The following PSAP variants were observed in gnomAD, a reference collection of about 807,000 sequenced individuals.
PSAP encodes prosaposin.
A neutral mutation model predicts 66.0 loss-of-function variants in PSAP; 25 were observed. That is an observed-to-expected ratio of 0.38 (90% CI 0.28 to 0.53). The LOEUF is 0.53. PSAP is among the 20% of genes least tolerant of loss of function. The pLI, the probability that PSAP is intolerant of heterozygous loss-of-function variation, is 0.83. For synonymous variants in PSAP, 273 were observed against 258.9 expected, an observed-to-expected ratio of 1.05 and a Z score of -0.52; for missense variants, 649 against 668.8, an observed-to-expected ratio of 0.97 and a Z score of 0.33.
intron 1 of PSAP, among the ~76,000 whole-genome samples, chr10:71,836,489 C>T (rs1842631262): frequency 6.6e-6 from 1 of 152,084 alleles, no homozygotes; most frequent in Non-Finnish European, 1.5e-5. Context: ...CCCTAGGACT[C>T]TGAAAAGGAC....
At chr10:71,843,827 C>G (rs1227792876) in intron 1 of PSAP, among the ~76,000 whole-genome samples, 4 of 152,130 alleles carry the variant, frequency 2.6e-5, no homozygotes, top group Non-Finnish European at 5.9e-5. Context: ...ATAAAGTTTG[C>G]AATCTAGATA....
intron 1 of PSAP, among the ~76,000 whole-genome samples, chr10:71,843,020 T>A (rs1308796056): frequency 6.6e-6 from 1 of 152,128 alleles, no homozygotes; most frequent in Non-Finnish European, 1.5e-5. Flanking sequence ...CTGCCGCACA[T>A]GCTGCAGACA....
In PSAP at chr10:71,826,561, T is replaced by C. The variant is rs188050051; in HGVS notation, c.721-668A>G. ...CAAAATGAATGAATGTTCACCTGATTAACATTCCTAACGGAAAGTCAGAGA... is the reference window on the plus strand; with the variant it reads ...CAAAATGAATGAATGTTCACCTGATCAACATTCCTAACGGAAAGTCAGAGA... On this transcript the variant is annotated intron_variant, in intron 6 of 13. Coordinates refer to ENST00000394936, the MANE Select transcript of PSAP (RefSeq NM_002778.4). 2.8e-3 allele frequency among the ~76,000 whole-genome samples: 433 copies of C among 152,278 alleles called. 1 individual carries two copies. The highest frequency in any genetic ancestry group is 9.9e-3 in the African/African-American group (411 of 41,552).
At chr10:71,835,954 G>A (rs1465788059) in intron 1 of PSAP, among the ~76,000 whole-genome samples, 2 of 152,018 alleles carry the variant, frequency 1.3e-5, no homozygotes, top group Non-Finnish European at 2.9e-5. Flanking sequence ...AACACGTGTT[G>A]TATAGGTCAG....
chr10:71,827,990 A>T, intron 6 of PSAP, 24 bp downstream of exon 6: 1 of 1,613,994 alleles, frequency 6.2e-7, no homozygotes, highest in Non-Finnish European at 8.5e-7. Flanking sequence ...GAACATCCCC[A>T]ATGCACAAGG....
chr10:71,842,111 G>A (rs1325793066), intron 1 of PSAP, among the ~76,000 whole-genome samples: 2 of 152,030 alleles, frequency 1.3e-5, no homozygotes, highest in African/African-American at 4.8e-5. Context: ...GGTCCAAAAC[G>A]CCGAGCATCC....
At position 71,828,944 on chromosome 10, in the gene PSAP, G is replaced by A; in HGVS notation, c.509C>T (p.Pro170Leu). The change falls in exon 5 of 14, where the codon CCC (proline) becomes CTC (leucine). Residue 170 changes from proline (P) to leucine (L), a missense_variant. Pro to Leu is a moderately conservative substitution (Grantham distance 98). Transcript: ENST00000394936. Reference protein sequence around the residue: ...PELDMTEVVAPFMANIPLLLY... With the variant: ...PELDMTEVVALFMANIPLLLY... ...GAGGAGAGGGATGTTGGCCATGAAG[G>A]GGGCCACCACCTCAGTCATGTCCAG... The A allele has an allele frequency of 1.2e-6, 2 of 1,614,126 alleles. No homozygotes were observed. The highest frequency in any genetic ancestry group is 1.7e-6 in the Non-Finnish European group (2 of 1,180,030).
At chr10:71,848,060 G>A (rs1043403435) in intron 1 of PSAP, among the ~76,000 whole-genome samples, 14 of 152,140 alleles carry the variant, frequency 9.2e-5, no homozygotes, top group Admixed American at 6.5e-5. Flanking sequence ...TGATGAACAC[G>A]CTCCTTTTTC....
chr10:71,828,843 A>G, intron 5 of PSAP, 34 bp downstream of exon 5: 2 of 1,612,464 alleles, frequency 1.2e-6, no homozygotes, highest in Non-Finnish European at 8.5e-7. Flanking sequence ...GTGCAACCAA[A>G]AATGGGTCCT....
intron 1 of PSAP, among the ~76,000 whole-genome samples, chr10:71,836,689 G>A (rs1842634220): frequency 6.6e-6 from 1 of 152,126 alleles, no homozygotes; most frequent in African/African-American, 2.4e-5. Context: ...CAAGTGACCA[G>A]CACCCCCGAT....
At chr10:71,825,652 C>G in intron 7 of PSAP, 185 bp downstream of exon 7, 1 of 698,272 alleles carries the variant, frequency 1.4e-6, no homozygotes, top group Non-Finnish European at 2.6e-6. Context: ...GCCTGCCTCT[C>G]CCGTAACAGG....
intron 1 of PSAP, among the ~76,000 whole-genome samples, chr10:71,847,594 AAG>A (rs908278568): frequency 6.6e-6 from 1 of 151,804 alleles, no homozygotes; most frequent in African/African-American, 2.4e-5. Flanking sequence ...TCTCTCTCAC[AAG>A]AGAGAGCTGC....
Position 71,828,176 on chromosome 10 carries a change from G to C in PSAP, c.577-19C>G, listed in dbSNP as rs367807246. The C allele has an allele frequency of 1.2e-6, 2 of 1,613,960 alleles. No homozygotes were observed. The highest frequency in any genetic ancestry group is 1.3e-5 in the African/African-American group (1 of 74,912). On this transcript the variant is annotated intron_variant, in intron 5 of 13. Transcript: ENST00000394936. ...CATTATCCTACAGAAGAGGCAGTTAGGTTTGCAACTTAAGAGGACTCAAAT... is the reference window on the plus strand; with the variant it reads ...CATTATCCTACAGAAGAGGCAGTTACGTTTGCAACTTAAGAGGACTCAAAT...
At chr10:71,825,474 C>G (rs1019767857) in intron 7 of PSAP, among the ~76,000 whole-genome samples, 2 of 152,252 alleles carry the variant, frequency 1.3e-5, no homozygotes, top group African/African-American at 4.8e-5. Flanking sequence ...TCCCCCGACT[C>G]AGGTGGCAAC....
In PSAP at chr10:71,821,876, C is replaced by CATT. The variant is rs1477099350; in HGVS notation, c.908_909insAAT (p.Lys303_Lys304insMet). Reference sequence around the variant, plus strand: ...CAGGACACAAAGTGACACCAGGTACCTTAATGGGCTCCACCAGTTCCAGGG... The same window carrying CATT: ...CAGGACACAAAGTGACACCAGGTACCATTTTAATGGGCTCCACCAGTTCCAGGG... On this transcript the variant is annotated inframe_insertion and splice_region_variant, in exon 8 of 14. Coordinates refer to ENST00000394936, the MANE Select transcript of PSAP (RefSeq NM_002778.4). 2.5e-6 allele frequency: 4 copies of CATT among 1,614,052 alleles called. No individual in the cohort carries two copies. The East Asian group carries it at 8.9e-5, about 36-fold the overall frequency.
intron 4 of PSAP, among the ~76,000 whole-genome samples, chr10:71,829,869 G>A (rs1470539317): frequency 1.3e-5 from 2 of 152,100 alleles, no homozygotes; most frequent in Non-Finnish European, 2.9e-5. Context: ...ATGATGGTGG[G>A]TGCCTGTGAT....
rs1842451563 is a variant in PSAP, at chr10:71,828,871, T to C, written c.576+6A>G. ...TGGGTCCTCAGTGGCCAGCCCGTTG[T>C]CTTACCTTTGGCTGGGGCTTGCTGC... On this transcript the variant is annotated splice_donor_region_variant and intron_variant, in intron 5 of 13. Coordinates refer to ENST00000394936, the MANE Select transcript of PSAP (RefSeq NM_002778.4). The C allele has an allele frequency of 6.2e-7, 1 of 1,613,860 alleles. No individual in the cohort carries two copies.
chr10:71,840,682 T>C (rs1454183088), intron 1 of PSAP, among the ~76,000 whole-genome samples: 2 of 152,200 alleles, frequency 1.3e-5, no homozygotes, highest in Non-Finnish European at 2.9e-5. Context: ...TCCCATCACC[T>C]CTGGCCTCAA....
chr10:71,817,739 G>A (rs1393351902), intron 13 of PSAP, among the ~76,000 whole-genome samples: 1 of 145,388 alleles, frequency 6.9e-6, no homozygotes. Flanking sequence ...ACGCAGGCAG[G>A]GCTCAGGACC....
Sources: allele counts gnomAD v4.1 joint callset (sites outside exome capture counted in the v4.1 genomes callset), GRCh38; gene constraint gnomAD v4.1.1; transcripts MANE v1.5; gene names NCBI Gene and HGNC (gene_info 2026-07-23, HGNC 2026-07-21).